The following RPS6KL1 variants were observed in gnomAD, a reference collection of about 807,000 sequenced individuals.
The protein encoded by RPS6KL1 is ribosomal protein S6 kinase like 1.
In RPS6KL1, 41 loss-of-function variants were observed where a neutral mutation model predicts 57.0. That is an observed-to-expected ratio of 0.72 (90% CI 0.56 to 0.93). The LOEUF (loss-of-function observed/expected upper bound fraction) is 0.93. Among genes scored for constraint, RPS6KL1 ranks in the 40% least tolerant of loss-of-function variants. The pLI, the probability that RPS6KL1 is intolerant of heterozygous loss-of-function variation, is 0.00. For missense variants in RPS6KL1, 697 were observed against 727.7 expected (o/e 0.96, Z 0.49); for synonymous variants, 287 against 309.7 (o/e 0.93, Z 0.77).
At position 74,909,746 on chromosome 14, in the gene RPS6KL1, A is replaced by G; in HGVS notation, c.1067T>C (p.Leu356Pro). The part of the protein sequence containing the change: ...TWVPEGAGPV[L>P]GGCGRGMDQS... ...ATCCATGCCTCGGCCACAGCCCCCTAGCACCGGGCCGGCCCCCTCAGGAAC... is the reference window on the plus strand; with the variant it reads ...ATCCATGCCTCGGCCACAGCCCCCTGGCACCGGGCCGGCCCCCTCAGGAAC... Residue 356 changes from leucine (L) to proline (P), a missense_variant, in exon 8 of 12, where the codon CTA becomes CCA. By Grantham distance (98) the Leu-to-Pro change is moderately conservative. Coordinates refer to ENST00000557413, the MANE Select transcript of RPS6KL1 (RefSeq NM_031464.5). 1.2e-6 allele frequency: 2 copies of G among 1,607,692 alleles called. No homozygotes were observed. The highest frequency in any genetic ancestry group is 3.3e-5 in the Admixed American group (2 of 59,942).
intron 8 of RPS6KL1, 107 bp from the exon 9 acceptor site, chr14:74,909,297 T>A: frequency 8.4e-7 from 1 of 1,196,004 alleles, no homozygotes; most frequent in Non-Finnish European, 1.2e-6. Context: ...GCCAATGGCC[T>A]TGCTGGGCAG....
intron 4 of RPS6KL1, among the ~76,000 whole-genome samples, chr14:74,919,569 A>G (rs1238832602): frequency 6.6e-6 from 1 of 152,226 alleles, no homozygotes; most frequent in Non-Finnish European, 1.5e-5. Context: ...GCAGATGTCT[A>G]TGTGCACACA....
chr14:74,906,409 T>TTGGGGGG lies in RPS6KL1; in HGVS notation c.*604_*605insCCCCCCA, dbSNP rs1555375176. On this transcript the variant is annotated 3_prime_UTR_variant, in exon 12 of 12. Transcript: ENST00000557413. ...AGGGGGCATGGTCAGGAATCGGGGG[T>TTGGGGGG]GGGGGGGTGGGGGTGGGGGTCATCC... 1 of 157,422 alleles carries TTGGGGGG rather than the reference T, an allele frequency of 6.4e-6. No homozygotes were observed. Among genetic ancestry groups the TTGGGGGG allele is most frequent in the African/African-American group, 6.6e-5 (1 of 15,248 alleles). The allele number at this position is 157,422 out of a possible 1,614,324, so 9.8% of individuals were successfully genotyped here.
intron 10 of RPS6KL1, 37 bp from the exon 11 acceptor site, chr14:74,907,567 C>T (rs750453760): frequency 1.5e-5 from 23 of 1,537,676 alleles, no homozygotes; most frequent in Non-Finnish European, 1.9e-5. Context: ...GAGGAGGCAA[C>T]CCCAGGACCG....
chr14:74,920,578 T>C (rs1449885580), intron 3 of RPS6KL1, among the ~76,000 whole-genome samples: 1 of 152,230 alleles, frequency 6.6e-6, no homozygotes, highest in Non-Finnish European at 1.5e-5. Flanking sequence ...ACCTCCCCTC[T>C]CGCCTCTAGG....
rs1885926293 is a variant in RPS6KL1, at chr14:74,911,275, T to TG, written c.636dup (p.Ile213HisfsTer70). 6 of 1,612,724 alleles carry TG rather than the reference T, an allele frequency of 3.7e-6. No homozygotes were observed. Among genetic ancestry groups the TG allele is most frequent in the Non-Finnish European group, 3.4e-6 (4 of 1,180,000 alleles). ...TGCACATGCTCCAGGTGCAGGAAGA[T>TG]GGAGTCCTCGCTCACAAAGTACCTG... On this transcript the variant is annotated frameshift_variant, in exon 7 of 12. Coordinates refer to ENST00000557413, the MANE Select transcript of RPS6KL1 (RefSeq NM_031464.5). LOFTEE classifies it high-confidence loss of function.
At chr14:74,909,518 A>C in intron 8 of RPS6KL1, 25 bp downstream of exon 8, 1 of 1,565,096 alleles carries the variant, frequency 6.4e-7, no homozygotes. Context: ...GGGCCACCCC[A>C]CTGAGGGGTG....
intron 2 of RPS6KL1, 32 bp from the exon 3 acceptor site, chr14:74,921,593 A>G: frequency 6.3e-7 from 1 of 1,580,622 alleles, no homozygotes; most frequent in East Asian, 2.3e-5. Context: ...GGGAGGACCT[A>G]GCTGGTAGCA....
Position 74,911,257 on chromosome 14 carries a change from G to A in RPS6KL1, c.655C>T (p.His219Tyr). ...SEDSIFLHLEHVQGGTLWSHL... is the reference protein window; with the variant it reads ...SEDSIFLHLEYVQGGTLWSHL... ...CCCCAGGCCTGCTCACCTTGCACAT[G>A]CTCCAGGTGCAGGAAGATGGAGTCC... Residue 219 changes from histidine (H) to tyrosine (Y), a missense_variant, in exon 7 of 12, where the codon CAT (histidine) becomes TAT (tyrosine). Physicochemically the swap from His to Tyr is moderately conservative, Grantham distance 83. Transcript: ENST00000557413. 6.2e-7 allele frequency: 1 copy of A among 1,612,114 alleles called. No homozygotes were observed. The highest frequency in any genetic ancestry group is 8.5e-7 in the Non-Finnish European group (1 of 1,180,002).
intron 4 of RPS6KL1, among the ~76,000 whole-genome samples, chr14:74,919,035 C>G (rs1296017421): frequency 1.3e-5 from 2 of 152,200 alleles, no homozygotes; most frequent in African/African-American, 4.8e-5. Context: ...ATTAGCCGAG[C>G]ATGGTGGCGC....
rs751378961 is a variant in RPS6KL1 at position 74,911,394 on chromosome 14, G to C, written c.532-14C>G. ...CCTGGGTAGGCTCTGGGAGCAGCAG[G>C]GCAGGCAGATCAGCCGGGGACAGGC... On this transcript the variant is annotated splice_polypyrimidine_tract_variant and intron_variant, in intron 6 of 11. Transcript: ENST00000557413. 27 of 1,599,008 alleles carry C rather than the reference G, an allele frequency of 1.7e-5. No homozygotes were observed. In the East Asian group the frequency reaches 3.1e-4, roughly 19 times the overall value.
chr14:74,905,364 T>G lies in RPS6KL1; in HGVS notation c.*1650A>C, dbSNP rs185159855. 2.2e-5 allele frequency: 3 copies of G among 138,596 alleles called. No individual in the cohort carries two copies. The highest frequency in any genetic ancestry group is 7.0e-5 in the Admixed American group (1 of 14,352). The allele number at this position is 138,596 out of a possible 1,614,324, so 8.6% of individuals were successfully genotyped here. A position where few individuals can be genotyped will look rare whatever the true frequency, so the allele number is the denominator to read the frequency against. ...GCTTCAGTTTTCTCAGGAGCTACCG[T>G]CTGTTGCAAGGGGTCACTGTGAGGA... On this transcript the variant is annotated 3_prime_UTR_variant, in exon 12 of 12. Transcript: ENST00000557413.
At chr14:74,907,204 G>A in intron 11 of RPS6KL1, 80 bp from the exon 12 acceptor site, 1 of 1,370,896 alleles carries the variant, frequency 7.3e-7, no homozygotes, top group East Asian at 2.3e-5. Flanking sequence ...AACCACTATG[G>A]CCTCTAGGGG....
intron 11 of RPS6KL1, 98 bp from the exon 12 acceptor site, chr14:74,907,222 C>T: frequency 7.4e-7 from 1 of 1,357,472 alleles, no homozygotes; most frequent in Non-Finnish European, 1.0e-6. Context: ...GGGGCCTGCT[C>T]CCTGGCAGCC....
intron 5 of RPS6KL1, among the ~76,000 whole-genome samples, chr14:74,918,205 G>C (rs547135481): frequency 6.6e-6 from 1 of 152,172 alleles, no homozygotes; most frequent in Non-Finnish European, 1.5e-5. Flanking sequence ...CCTTGGCCTG[G>C]TGCTTGGCCC....
In RPS6KL1 at chr14:74,911,164, G is replaced by A. The variant is rs142551750; in HGVS notation, c.664+84C>T. ...TGGGATTACAGGCGTGAGCCACCACGCCCTGCCAGGGCTCCGCATTTTAAG... is the reference window on the plus strand; with the variant it reads ...TGGGATTACAGGCGTGAGCCACCACACCCTGCCAGGGCTCCGCATTTTAAG... On this transcript the variant is annotated intron_variant, in intron 7 of 11. Transcript: ENST00000557413. 2,179 of 1,386,374 alleles carry A rather than the reference G, an allele frequency of 1.6e-3. 1 individual carries two copies. The highest frequency in any genetic ancestry group is 2.1e-3 in the Non-Finnish European group (2,026 of 987,140). 85.9% of individuals were successfully genotyped at this position (1,386,374 alleles called of 1,614,324 possible).
Position 74,907,533 on chromosome 14 carries a change from G to A in RPS6KL1, c.1444-3C>T, listed in dbSNP as rs1223245495. The A allele has an allele frequency of 6.4e-7, 1 of 1,569,046 alleles. No individual in the cohort carries two copies. Among genetic ancestry groups the A allele is most frequent in the Non-Finnish European group, 8.6e-7 (1 of 1,156,592 alleles). On this transcript the variant is annotated splice_region_variant and splice_polypyrimidine_tract_variant and intron_variant, in intron 10 of 11. Transcript: ENST00000557413. ...GAAGGGTGGCTCTGGGACAGTGCCTGGGAGGACACAGGGAAGGGCCTCTGA... is the reference window on the plus strand; with the variant it reads ...GAAGGGTGGCTCTGGGACAGTGCCTAGGAGGACACAGGGAAGGGCCTCTGA...
intron 8 of RPS6KL1, 102 bp downstream of exon 8, chr14:74,909,441 A>ACTTT: frequency 7.0e-7 from 1 of 1,430,660 alleles, no homozygotes; most frequent in Non-Finnish European, 9.4e-7. Flanking sequence ...GGGGCCAGGG[A>ACTTT]GGAGCAGACA....
rs931333193 is a variant in RPS6KL1, at chr14:74,907,527, G to A, written c.1447C>T (p.Leu483=). 1.9e-6 allele frequency: 3 copies of A among 1,572,246 alleles called. No homozygotes were observed. Among genetic ancestry groups the A allele is most frequent in the Non-Finnish European group, 2.6e-6 (3 of 1,158,382 alleles). Residue 483 remains leucine, a synonymous_variant, in exon 11 of 12, where the codon CTG becomes TTG. Transcript: ENST00000557413. The part of the protein sequence containing the change: ...LLYELLTGMA[L]SQSHPSGIQA... ...ATTCCTGAAGGGTGGCTCTGGGACA[G>A]TGCCTGGGAGGACACAGGGAAGGGC...
Sources: gnomAD v4.1 joint callset for allele counts (sites outside exome capture counted in the v4.1 genomes callset) on GRCh38, gnomAD v4.1.1 for gene constraint, MANE v1.5 for transcripts, NCBI Gene and HGNC (gene_info 2026-07-23, HGNC 2026-07-21) for gene names.